The following COL24A1 variants were observed in gnomAD, a reference collection of about 807,000 sequenced individuals.
COL24A1 encodes the protein collagen type XXIV alpha 1 chain, also known as collagen alpha-1(XXIV) chain.
A neutral mutation model predicts 253.9 loss-of-function variants in COL24A1; 224 were observed. The observed-to-expected ratio is 0.88, with a 90% CI of 0.79 to 0.99. The LOEUF (loss-of-function observed/expected upper bound fraction) is 0.99. Ranked by LOEUF, COL24A1 falls within the 50% of genes least tolerant of loss-of-function variation. COL24A1 has a pLI of 0.00. For synonymous variants in COL24A1, 685 were observed against 673.7 expected (o/e 1.02, Z -0.26); for missense variants, 2,131 against 2,068.5 (o/e 1.03, Z -0.59).
intron 32 of COL24A1, among the ~76,000 whole-genome samples, chr1:85,879,615 C>T (rs952770437): frequency 1.3e-5 from 2 of 152,154 alleles, no homozygotes; most frequent in African/African-American, 4.8e-5. Context: ...GGATGCCTTA[C>T]TAATAACATA....
intron 7 of COL24A1, among the ~76,000 whole-genome samples, chr1:86,088,911 G>C (rs1703273328): frequency 1.3e-5 from 2 of 151,894 alleles, no homozygotes; most frequent in Admixed American, 1.3e-4. Context: ...TTAATTGAAG[G>C]GTCTTCTTTT....
intron 2 of COL24A1, among the ~76,000 whole-genome samples, chr1:86,142,522 C>CAAAAAAA (rs554778074): frequency 1.7e-5 from 2 of 115,480 alleles, no homozygotes; most frequent in East Asian, 2.7e-4. Context: ...GACACTGCCT[C>CAAAAAAA]AAAAAAAAAA....
At position 85,895,920 on chromosome 1, in the gene COL24A1, T is replaced by C. The variant is rs766733096; in HGVS notation, c.2878-18A>G. 1.0e-5 allele frequency: 16 copies of C among 1,607,526 alleles called. No homozygotes were observed. Among genetic ancestry groups the C allele is most frequent in the Non-Finnish European group, 1.4e-5 (16 of 1,178,332 alleles). On this transcript the variant is annotated intron_variant, in intron 30 of 59. Coordinates refer to ENST00000370571, the MANE Select transcript of COL24A1 (RefSeq NM_152890.7). ...GTCTTACCCTACATGAGAAAGAAAA[T>C]TCTTGAGTCAAGTAGTCCCCTCCAA...
Position 85,842,089 on chromosome 1 carries a change from C to T in COL24A1, c.3549G>A (p.Leu1183=), listed in dbSNP as rs750081733. ...AAACCTTTTCTCCTTTAGGTCCTGG[C>T]AATCCAGAGGGTCCTGGTTGGCCCT... The part of the protein sequence containing the change: ...GHQGQPGPSG[L]PGPKGEKGYP... The change falls in exon 41 of 60, where the codon TTG becomes TTA. Residue 1183 remains leucine, a synonymous_variant. Coordinates refer to ENST00000370571, the MANE Select transcript of COL24A1 (RefSeq NM_152890.7). 1.9e-6 allele frequency: 3 copies of T among 1,613,588 alleles called. No individual in the cohort carries two copies. The highest frequency in any genetic ancestry group is 2.5e-6 in the Non-Finnish European group (3 of 1,179,762).
In COL24A1 at chr1:86,072,950, C is replaced by A. The variant is rs567408635; in HGVS notation, c.1708-9191G>T. 3.0e-3 allele frequency among the ~76,000 whole-genome samples: 459 copies of A among 152,240 alleles called. 1 individual carries two copies. The highest frequency in any genetic ancestry group is 9.1e-3 in the African/African-American group (377 of 41,540). On this transcript the variant is annotated intron_variant, in intron 7 of 59. Coordinates refer to ENST00000370571, the MANE Select transcript of COL24A1 (RefSeq NM_152890.7). ...CATCAAAACCAACAAAAAGGATGTC[C>A]ACACAAAAACTCCATCTGAAGGTCA...
rs187529582 is a variant in COL24A1 at position 86,118,949 on chromosome 1, G to C, written c.1492-3571C>G. Among the ~76,000 whole-genome samples the C allele has an allele frequency of 2.8e-4, 43 of 152,276 alleles. 1 individual carries two copies. The highest frequency in any genetic ancestry group is 2.7e-3 in the Admixed American group (42 of 15,294). ...CAAGAGGCAGTTGCAGAGGTAAGCA[G>C]GGGCCATATCACATACCTGCACAGG... is the stretch of plus-strand genomic sequence containing the variant. On this transcript the variant is annotated intron_variant, in intron 3 of 59. Transcript: ENST00000370571.
intron 10 of COL24A1, among the ~76,000 whole-genome samples, chr1:86,053,470 G>A (rs1371873257): frequency 1.3e-5 from 2 of 152,006 alleles, no homozygotes; most frequent in Non-Finnish European, 2.9e-5. Context: ...TAAGATGTCA[G>A]CAGTACCAAA....
intron 1 of COL24A1, among the ~76,000 whole-genome samples, chr1:86,148,690 C>T (rs1253741624): frequency 1.3e-5 from 2 of 152,124 alleles, no homozygotes; most frequent in Non-Finnish European, 2.9e-5. Context: ...CATCATTTCT[C>T]ATGGCTGCAT....
intron 18 of COL24A1, among the ~76,000 whole-genome samples, chr1:86,020,790 G>T (rs1697458600): frequency 6.6e-6 from 1 of 152,144 alleles, no homozygotes; most frequent in African/African-American, 2.4e-5. Flanking sequence ...ATATGGTTTA[G>T]AACCATCCTT....
intron 20 of COL24A1, among the ~76,000 whole-genome samples, chr1:85,986,308 A>C (rs1693718770): frequency 6.6e-6 from 1 of 151,712 alleles, no homozygotes; most frequent in Admixed American, 6.6e-5. Flanking sequence ...CCTGTTTCCA[A>C]TCTTTATTAT....
At chr1:85,819,075 TG>T (rs1278042868) in intron 45 of COL24A1, among the ~76,000 whole-genome samples, 3 of 152,152 alleles carry the variant, frequency 2.0e-5, no homozygotes, top group African/African-American at 7.2e-5. Context: ...GATTTGACAA[TG>T]GGGAGATATA....
At chr1:85,997,844 A>G (rs76562734) in intron 19 of COL24A1, among the ~76,000 whole-genome samples, 1 of 152,036 alleles carries the variant, frequency 6.6e-6, no homozygotes. Flanking sequence ...AGATATAAGG[A>G]AAAAAAGAGT....
chr1:85,840,707 T>C (rs954278109), intron 42 of COL24A1, among the ~76,000 whole-genome samples: 1 of 152,170 alleles, frequency 6.6e-6, no homozygotes, highest in African/African-American at 2.4e-5. Flanking sequence ...TTAGAGACCA[T>C]GGTTATAGTT....
At chr1:85,866,585 C>A (rs984789689) in intron 37 of COL24A1, among the ~76,000 whole-genome samples, 1 of 151,940 alleles carries the variant, frequency 6.6e-6, no homozygotes, top group South Asian at 2.1e-4. Context: ...ACCAGCCTGA[C>A]CCACATGGTA....
rs534733428 is a variant in COL24A1, at chr1:85,772,192, T to A, written c.4374+3482A>T. Among the ~76,000 whole-genome samples the A allele has an allele frequency of 3.3e-3, 502 of 151,914 alleles. 1 individual carries two copies. The highest frequency in any genetic ancestry group is 6.1e-3 in the Non-Finnish European group (415 of 67,982). On this transcript the variant is annotated intron_variant, in intron 53 of 59. Coordinates refer to ENST00000370571, the MANE Select transcript of COL24A1 (RefSeq NM_152890.7). ...TATGTGCCACATTTTCTTAATCCAGTCTATCATTGTTGGACATTCATCATC... is the reference window on the plus strand; with the variant it reads ...TATGTGCCACATTTTCTTAATCCAGACTATCATTGTTGGACATTCATCATC...
chr1:86,042,464 T>G (rs1031013206), intron 12 of COL24A1, among the ~76,000 whole-genome samples: 1 of 152,130 alleles, frequency 6.6e-6, no homozygotes, highest in Non-Finnish European at 1.5e-5. Context: ...AAGATTTAAG[T>G]GGAAATAAAT....
intron 14 of COL24A1, among the ~76,000 whole-genome samples, chr1:86,029,027 C>T (rs1197862346): frequency 6.6e-6 from 1 of 152,078 alleles, no homozygotes; most frequent in Non-Finnish European, 1.5e-5. Flanking sequence ...TAATCAACTC[C>T]ATGCTAATAG....
chr1:85,792,773 T>C (rs1670428602), intron 47 of COL24A1, among the ~76,000 whole-genome samples: 1 of 151,896 alleles, frequency 6.6e-6, no homozygotes, highest in Non-Finnish European at 1.5e-5. Context: ...GAATGTACTA[T>C]ATAAATAATT....
At chr1:86,009,970 C>T (rs1049848168) in intron 19 of COL24A1, among the ~76,000 whole-genome samples, 1 of 151,928 alleles carries the variant, frequency 6.6e-6, no homozygotes, top group African/African-American at 2.4e-5. Flanking sequence ...GAAGCAAAGA[C>T]AGATTGTTTA....
Sources: gnomAD v4.1 joint callset for allele counts (sites outside exome capture counted in the v4.1 genomes callset) on GRCh38, gnomAD v4.1.1 for gene constraint, MANE v1.5 for transcripts, NCBI Gene and HGNC (gene_info 2026-07-23, HGNC 2026-07-21) for gene names.